The following WASF2 variants were observed in gnomAD, a reference collection of about 807,000 sequenced individuals.
WASF2 encodes the protein WASP family member 2, also known as actin-binding protein WASF2.
Under a neutral mutation model 45.0 loss-of-function variants are expected in WASF2, and 14 were observed. The observed-to-expected ratio is 0.31, with a 90% CI of 0.21 to 0.49. WASF2 has a LOEUF of 0.49. Ranked by LOEUF, WASF2 falls within the 20% of genes least tolerant of loss-of-function variation. The pLI is 0.99. For synonymous variants in WASF2, 200 were observed against 236.3 expected, an observed-to-expected ratio of 0.85 and a Z score of 1.41; for missense variants, 439 against 636.1, an observed-to-expected ratio of 0.69 and a Z score of 3.33.
Position 27,485,961 on chromosome 1 carries a change from C to T in WASF2, c.-44+4025G>A, listed in dbSNP as rs530809079. 1.8e-3 allele frequency among the ~76,000 whole-genome samples: 278 copies of T among 152,320 alleles called. 1 individual carries two copies. Among genetic ancestry groups the T allele is most frequent in the African/African-American group, 6.1e-3 (254 of 41,576 alleles). ...TCCTGACCTTGTGATCTGCCCGCCT[C>T]GGCCTCCCAGAGTGCTGGGATTACA... On this transcript the variant is annotated intron_variant, in intron 1 of 8. Transcript: ENST00000618852.
At chr1:27,409,429 A>G (rs1361625934) in intron 8 of WASF2, among the ~76,000 whole-genome samples, 1 of 80,030 alleles carries the variant, frequency 1.2e-5, no homozygotes, top group East Asian at 5.5e-4. Flanking sequence ...TGTCCCCCAC[A>G]AAAAAAAAAA....
rs201619033 is a variant in WASF2, at chr1:27,418,330, C to T, written c.358G>A (p.Val120Ile). The change falls in exon 4 of 9, where the codon GTC becomes ATC. Residue 120 changes from valine (V) to isoleucine (I), a missense_variant. Physicochemically the swap from Val to Ile is conservative, Grantham distance 29 (BLOSUM62 3). Around this residue, in one of 5 missense-constraint regions of WASF2, gnomAD observed 98 missense variants for 120.7 expected, o/e 0.81. Transcript: ENST00000618852. ...TCACAGGTATTGTATGTTTCTAAGA[C>T]AGGCACTGGGAGAGAGTTTCTGTCA... ...LFDRNSLPVP[V>I]LETYNTCDTP... is the part of the protein sequence containing the mutation. 2 of 1,614,102 alleles carry T rather than the reference C, an allele frequency of 1.2e-6. No homozygotes were observed. The highest frequency in any genetic ancestry group is 1.7e-6 in the Non-Finnish European group (2 of 1,180,040).
chr1:27,439,289 A>C (rs1383075549), intron 1 of WASF2, among the ~76,000 whole-genome samples: 1 of 151,962 alleles, frequency 6.6e-6, no homozygotes, highest in East Asian at 1.9e-4. Context: ...AGCACAGAAT[A>C]ATTAAAACAA....
At chr1:27,478,859 C>T (rs1200097479) in intron 1 of WASF2, among the ~76,000 whole-genome samples, 26 of 152,020 alleles carry the variant, frequency 1.7e-4, no homozygotes, top group Admixed American at 1.6e-3. Flanking sequence ...GCTGGGATTA[C>T]AGGCGTGAGC....
intron 1 of WASF2, among the ~76,000 whole-genome samples, chr1:27,475,038 G>A (rs2017747207): frequency 6.6e-6 from 1 of 152,150 alleles, no homozygotes; most frequent in South Asian, 2.1e-4. Context: ...ACTTTGGGAG[G>A]CTGAGGCAGG....
chr1:27,422,435 C>A (rs769226244), intron 2 of WASF2, among the ~76,000 whole-genome samples: 2 of 151,734 alleles, frequency 1.3e-5, no homozygotes, highest in African/African-American at 4.8e-5. Context: ...CTGGCTAACA[C>A]GGTGAAACTC....
intron 1 of WASF2, among the ~76,000 whole-genome samples, chr1:27,482,238 T>G (rs2017861299): frequency 6.6e-6 from 1 of 152,224 alleles, no homozygotes; most frequent in Non-Finnish European, 1.5e-5. Flanking sequence ...AGTCTTCAAA[T>G]GTTACCACTA....
chr1:27,439,356 T>C (rs1413017912), intron 1 of WASF2, among the ~76,000 whole-genome samples: 1 of 152,238 alleles, frequency 6.6e-6, no homozygotes, highest in Non-Finnish European at 1.5e-5. Context: ...GTAGTAGCAG[T>C]AGAATGATTG....
intron 1 of WASF2, among the ~76,000 whole-genome samples, chr1:27,487,562 T>C: frequency 9.5e-6 from 1 of 105,674 alleles, no homozygotes; most frequent in East Asian, 2.2e-4. Flanking sequence ...ATATATTTTA[T>C]ACAATATATA....
intron 2 of WASF2, among the ~76,000 whole-genome samples, chr1:27,426,911 A>G (rs2016989228): frequency 6.6e-6 from 1 of 152,180 alleles, no homozygotes. Flanking sequence ...GAGATAATCT[A>G]TGTCAAGATC....
At chr1:27,440,675 A>G (rs936475030) in intron 1 of WASF2, among the ~76,000 whole-genome samples, 4 of 152,192 alleles carry the variant, frequency 2.6e-5, no homozygotes, top group African/African-American at 7.2e-5. Context: ...CACTAAAGCC[A>G]TGAACTCCTG....
intron 1 of WASF2, among the ~76,000 whole-genome samples, chr1:27,441,672 G>T (rs2017231959): frequency 2.0e-5 from 3 of 146,750 alleles, no homozygotes; most frequent in South Asian, 2.2e-4. Context: ...GAGAATGGCG[G>T]GAACCTGGGA....
intron 1 of WASF2, among the ~76,000 whole-genome samples, chr1:27,471,504 T>G (rs957247785): frequency 5.9e-5 from 9 of 152,110 alleles, no homozygotes; most frequent in African/African-American, 1.9e-4. Flanking sequence ...GGTGTACATC[T>G]GTGGTCCCAG....
intron 1 of WASF2, among the ~76,000 whole-genome samples, chr1:27,447,403 A>G (rs1219563761): frequency 1.3e-5 from 2 of 152,186 alleles, no homozygotes; most frequent in Non-Finnish European, 2.9e-5. Flanking sequence ...CAGATCTTGT[A>G]TTAATGAGCC....
chr1:27,440,459 C>T (rs1376559301), intron 1 of WASF2, among the ~76,000 whole-genome samples: 1 of 151,626 alleles, frequency 6.6e-6, no homozygotes, highest in Non-Finnish European at 1.5e-5. Flanking sequence ...GAGGTCGAGG[C>T]TGCAGTGAGC....
chr1:27,474,375 G>A (rs1300686053), intron 1 of WASF2, among the ~76,000 whole-genome samples: 2 of 151,858 alleles, frequency 1.3e-5, no homozygotes, highest in African/African-American at 2.4e-5. Context: ...TAGCTCACAC[G>A]CCTGTAATCT....
intron 1 of WASF2, among the ~76,000 whole-genome samples, chr1:27,430,322 G>C (rs1023710481): frequency 6.6e-6 from 1 of 152,096 alleles, no homozygotes; most frequent in Admixed American, 6.6e-5. Context: ...AAAAGGTAAA[G>C]CATAAAGTTA....
rs1369034203 is a variant in WASF2 at position 27,416,027 on chromosome 1, C to A, written c.495G>T (p.Leu165=). 5.6e-6 allele frequency: 9 copies of A among 1,614,002 alleles called. No individual in the cohort carries two copies. Among genetic ancestry groups the A allele is most frequent in the Non-Finnish European group, 5.9e-6 (7 of 1,180,010 alleles). ...CTTTCATGATATCCTTGGTGTCCTG[C>A]AGCATCTTCTCCTTCCAAAGATCAA... The part of the protein sequence containing the change: ...YFFDLWKEKM[L]QDTKDIMKEK... The change falls in exon 5 of 9, where the codon CTG becomes CTT. Residue 165 remains leucine (L), a synonymous_variant. Coordinates refer to ENST00000618852, the MANE Select transcript of WASF2 (RefSeq NM_006990.5).
intron 1 of WASF2, among the ~76,000 whole-genome samples, chr1:27,436,838 T>C (rs2017144163): frequency 6.6e-6 from 1 of 152,180 alleles, no homozygotes; most frequent in Non-Finnish European, 1.5e-5. Context: ...CTGCGGTAGA[T>C]ACAGAAAGTA....
Sources: gnomAD v4.1 joint callset for allele counts (sites outside exome capture counted in the v4.1 genomes callset) on GRCh38, gnomAD v4.1.1 for gene constraint, gnomAD v4.1.1 regional missense constraint, MANE v1.5 for transcripts, NCBI Gene and HGNC (gene_info 2026-07-23, HGNC 2026-07-21) for gene names.